SMARCA2: variants seen among roughly 807,000 people sequenced by gnomAD.
The protein encoded by SMARCA2 is SWI/SNF-related matrix-associated actin-dependent regulator of chromatin subfamily A member 2.
A neutral mutation model predicts 199.8 loss-of-function variants in SMARCA2; 61 were observed. That is an observed-to-expected ratio of 0.31 (90% CI 0.25 to 0.38). SMARCA2 has a LOEUF of 0.38. Among genes scored for constraint, SMARCA2 ranks in the 10% least tolerant of loss-of-function variants. The pLI is 1.00. For missense variants in SMARCA2, 1,344 were observed against 2,012.2 expected, an observed-to-expected ratio of 0.67 and a Z score of 6.35; for synonymous variants, 935 against 732.0, an observed-to-expected ratio of 1.28 and a Z score of -4.48.
At chr9:2,178,836 C>T (rs1342683117) in intron 29 of SMARCA2, among the ~76,000 whole-genome samples, 1 of 152,160 alleles carries the variant, frequency 6.6e-6, no homozygotes, top group Non-Finnish European at 1.5e-5. Context: ...CCAGGACCTC[C>T]TGGCTTTGTC....
intron 23 of SMARCA2, among the ~76,000 whole-genome samples, chr9:2,105,940 C>A (rs191217668): frequency 2.6e-5 from 4 of 152,316 alleles, no homozygotes; most frequent in Admixed American, 2.6e-4. Flanking sequence ...GAAGTGACTT[C>A]CTGGAAACAA....
rs768751465 is a variant in SMARCA2, at chr9:2,033,036, C to G, written c.310C>G (p.Pro104Ala). Residue 104 changes from proline to alanine, a missense_variant, in exon 3 of 34, where the codon CCA becomes GCA. Pro to Ala is a conservative substitution (Grantham distance 27). This residue lies in a region of SMARCA2 where 275 missense variants were observed against 247.5 expected (regional missense o/e 1.11). Transcript: ENST00000349721. ...MKGTGMRPPH[P>A]GMGPPQSPMD... ...GGGCACTGGTATGCGACCACCTCAC[C>G]CAGGCATGGGCCCTCCCCAGAGTCC... is the stretch of plus-strand genomic sequence containing the variant. The G allele has an allele frequency of 6.2e-7, 1 of 1,614,134 alleles. No homozygotes were observed. Among genetic ancestry groups the G allele is most frequent in the South Asian group, 1.1e-5 (1 of 91,078 alleles).
rs185748434 is a variant in SMARCA2, at chr9:2,100,156, G to A, written c.3079-1414G>A. On this transcript the variant is annotated intron_variant, in intron 21 of 33. Coordinates refer to ENST00000349721, the MANE Select transcript of SMARCA2 (RefSeq NM_003070.5). ...GGTGGCTGATGTGAAGGTGTAACCT[G>A]CTCTCCATTCCCACAGATGGTTGCC... 1.7e-3 allele frequency among the ~76,000 whole-genome samples: 265 copies of A among 152,314 alleles called. 2 individuals carry two copies. Among genetic ancestry groups the A allele is most frequent in the Non-Finnish European group, 3.2e-3 (221 of 68,016 alleles).
intron 32 of SMARCA2, among the ~76,000 whole-genome samples, chr9:2,189,009 T>A (rs546488920): frequency 6.6e-6 from 1 of 152,174 alleles, no homozygotes; most frequent in Non-Finnish European, 1.5e-5. Context: ...CATGAATCTC[T>A]CTTTTGCGTC....
In SMARCA2 at chr9:2,076,254, A is replaced by G; in HGVS notation, c.1961A>G (p.Gln654Arg). The G allele has an allele frequency of 2.5e-6, 4 of 1,609,948 alleles. No individual in the cohort carries two copies. The highest frequency in any genetic ancestry group is 3.4e-6 in the Non-Finnish European group (4 of 1,176,186). ...GATGAGGAAGAAGAGTCCAGTAGGCAGGAAACCGAAGAGAAAATACTCCTG... is the reference window on the plus strand; with the variant it reads ...GATGAGGAAGAAGAGTCCAGTAGGCGGGAAACCGAAGAGAAAATACTCCTG... ...EEDEEEESSR[Q>R]ETEEKILLDP... The change falls in exon 13 of 34, where the codon CAG (glutamine) becomes CGG (arginine). Residue 654 changes from glutamine (Q) to arginine (R), a missense_variant. Physicochemically the swap from Gln to Arg is conservative, Grantham distance 43. Coordinates refer to ENST00000349721, the MANE Select transcript of SMARCA2 (RefSeq NM_003070.5).
Position 2,083,405 on chromosome 9 carries a change from T to C in SMARCA2, c.2407T>C (p.Ser803Pro). ...ATGGGCTCCTTCTGTGGTGAAGATT[T>C]CTTACAAGGTTTGGAATGCTGTATT... Reference protein sequence around the residue: ...DKWAPSVVKISYKGTPAMRRS... With the variant: ...DKWAPSVVKIPYKGTPAMRRS... The change falls in exon 16 of 34, where the codon TCT (serine) becomes CCT (proline). Residue 803 changes from serine (S) to proline (P), a missense_variant. By Grantham distance (74) the Ser-to-Pro change is moderately conservative. Transcript: ENST00000349721. 1.2e-6 allele frequency: 2 copies of C among 1,605,774 alleles called. No homozygotes were observed. Among genetic ancestry groups the C allele is most frequent in the South Asian group, 2.2e-5 (2 of 90,490 alleles).
chr9:2,032,726 A>C, intron 2 of SMARCA2: 3 of 379,534 alleles, frequency 7.9e-6, no homozygotes, highest in Non-Finnish European at 1.4e-5. Context: ...AAAAACAAAC[A>C]AACAAACAAA....
chr9:2,166,796 AGCCATGCTCTCAT>A (rs1471209907), intron 28 of SMARCA2, among the ~76,000 whole-genome samples: 2 of 152,190 alleles, frequency 1.3e-5, no homozygotes, highest in African/African-American at 4.8e-5. Flanking sequence ...GAACTCATAT[AGCCATGCTCTCAT>A]GTCACCCACA....
Position 2,054,728 on chromosome 9 carries a change from T to C in SMARCA2, c.1173+5T>C, listed in dbSNP as rs758955195. 1 of 1,613,904 alleles carries C rather than the reference T, an allele frequency of 6.2e-7. No individual in the cohort carries two copies. Among genetic ancestry groups the C allele is most frequent in the Non-Finnish European group, 8.5e-7 (1 of 1,179,810 alleles). On this transcript the variant is annotated splice_donor_5th_base_variant and intron_variant, in intron 6 of 33. Transcript: ENST00000349721. ...TTACTCAATTTCCAGCGTCAGGTAA[T>C]ACATTTTCCCCAGTGAATCTGAGAT...
intron 27 of SMARCA2, among the ~76,000 whole-genome samples, chr9:2,136,074 T>C (rs1172787931): frequency 6.7e-6 from 1 of 149,114 alleles, no homozygotes; most frequent in Non-Finnish European, 1.5e-5. Context: ...ACTCCTGATC[T>C]CGTGATCCGC....
Position 2,192,749 on chromosome 9 carries a change from A to AC in SMARCA2, c.*12dup. The AC allele has an allele frequency of 1.2e-6, 2 of 1,601,906 alleles. No individual in the cohort carries two copies. Among genetic ancestry groups the AC allele is most frequent in the African/African-American group, 2.7e-5 (2 of 74,756 alleles). ...GACGGATGATGAGTGATCAGTATGG[A>AC]CCTTTTTCCTTGGTAGAACTGAATT... is the stretch of plus-strand genomic sequence containing the variant. On this transcript the variant is annotated 3_prime_UTR_variant, in exon 34 of 34. Transcript: ENST00000349721.
intron 30 of SMARCA2, 135 bp from the exon 31 acceptor site, chr9:2,182,006 T>G: frequency 1.4e-6 from 1 of 726,024 alleles, no homozygotes; most frequent in East Asian, 2.5e-5. Flanking sequence ...CCCCCTGGGG[T>G]TATGCAGTCC....
At chr9:2,116,456 T>C (rs1823222174) in intron 25 of SMARCA2, among the ~76,000 whole-genome samples, 1 of 152,236 alleles carries the variant, frequency 6.6e-6, no homozygotes, top group Non-Finnish European at 1.5e-5. Context: ...CTCTTTTGCC[T>C]TTTGATCAGG....
At chr9:2,176,181 T>G (rs1826575652) in intron 29 of SMARCA2, among the ~76,000 whole-genome samples, 3 of 137,014 alleles carry the variant, frequency 2.2e-5, no homozygotes, top group Admixed American at 1.4e-4. Flanking sequence ...GCGCCCGGCC[T>G]GTTTTTTTTT....
chr9:2,029,786 T>C (rs1022151475), intron 2 of SMARCA2, among the ~76,000 whole-genome samples: 3 of 152,244 alleles, frequency 2.0e-5, no homozygotes, highest in African/African-American at 7.2e-5. Context: ...ACTTTTATTC[T>C]GGTTTTGGAA....
intron 4 of SMARCA2, among the ~76,000 whole-genome samples, chr9:2,046,826 TAAAA>T (rs200788037): frequency 2.6e-5 from 4 of 151,914 alleles, no homozygotes; most frequent in African/African-American, 9.7e-5. Flanking sequence ...CACCTGTAAT[TAAAA>T]AAAGAAAAAG....
intron 11 of SMARCA2, 105 bp from the exon 12 acceptor site, chr9:2,073,461 G>C: frequency 6.7e-7 from 1 of 1,495,190 alleles, no homozygotes; most frequent in Non-Finnish European, 9.2e-7. Flanking sequence ...TTGTTACTTG[G>C]ATTTGTCTTT....
rs1827938333 is a variant in SMARCA2, at chr9:2,192,272, C to T, written c.4738-432C>T. On this transcript the variant is annotated intron_variant, in intron 33 of 33. Coordinates refer to ENST00000349721, the MANE Select transcript of SMARCA2 (RefSeq NM_003070.5). ...TTCCTAGTTTGATTTTCCTTCAACA[C>T]ATTACCATTTTGGTAAAATTTCAGA... 1.1e-5 allele frequency: 2 copies of T among 174,928 alleles called. 1 individual carries two copies. The highest frequency in any genetic ancestry group is 2.7e-4 in the South Asian group (2 of 7,372). 10.8% of individuals were successfully genotyped at this position (174,928 alleles called of 1,614,324 possible).
At chr9:2,165,550 C>G (rs1825892593) in intron 28 of SMARCA2, among the ~76,000 whole-genome samples, 1 of 152,156 alleles carries the variant, frequency 6.6e-6, no homozygotes, top group Admixed American at 6.5e-5. Flanking sequence ...TTTATTTGCA[C>G]AAATAGAAAA....
Sources: allele counts gnomAD v4.1 joint callset (sites outside exome capture counted in the v4.1 genomes callset), GRCh38; gene constraint gnomAD v4.1.1; regional missense constraint gnomAD v4.1.1; transcripts MANE v1.5; gene names NCBI Gene and HGNC (gene_info 2026-07-23, HGNC 2026-07-21).